Variants in PFKFB3 observed in about 807,000 individuals in gnomAD.
The protein encoded by PFKFB3 is 6-phosphofructo-2-kinase/fructose-2,6-bisphosphatase 3.
In PFKFB3, 33 loss-of-function variants were observed where a neutral mutation model predicts 68.0. That is an observed-to-expected ratio of 0.49 (90% CI 0.37 to 0.65). The LOEUF (loss-of-function observed/expected upper bound fraction) is 0.65, where lower values mean the gene tolerates loss of function less well. Among genes scored for constraint, PFKFB3 ranks in the 30% least tolerant of loss-of-function variants. The probability of loss-of-function intolerance (pLI) is 0.00; values close to 1 mark genes in which losing one functional copy is unlikely to be tolerated. For missense variants in PFKFB3, 586 were observed against 712.2 expected (o/e 0.82, Z 2.02); for synonymous variants, 315 against 288.2 (o/e 1.09, Z -0.94).
chr10:6,235,128 C>T lies in PFKFB3; in HGVS notation c.*2186C>T, dbSNP rs1004359817. The T allele has an allele frequency of 1.3e-4, 20 of 152,846 alleles. No individual in the cohort carries two copies. Among genetic ancestry groups the T allele is most frequent in the African/African-American group, 4.8e-4 (20 of 41,554 alleles). The allele number at this position is 152,846 out of a possible 1,614,324, so 9.5% of individuals were successfully genotyped here. On this transcript the variant is annotated 3_prime_UTR_variant, in exon 15 of 15. Coordinates refer to ENST00000379775, the MANE Select transcript of PFKFB3 (RefSeq NM_004566.4). Reference sequence around the variant, plus strand: ...ACGGGGACCAATATTTTTAACTTTGCCTATTTGTTTTTGGGTGAGTTTCCC... The same window carrying T: ...ACGGGGACCAATATTTTTAACTTTGTCTATTTGTTTTTGGGTGAGTTTCCC...
intron 14 of PFKFB3, among the ~76,000 whole-genome samples, chr10:6,227,735 C>G (rs1280454381): frequency 6.6e-6 from 1 of 152,186 alleles, no homozygotes; most frequent in African/African-American, 2.4e-5. Flanking sequence ...AGGTTCCTTC[C>G]CCTCCCAGGC....
At chr10:6,192,367 T>A (rs556968234) in intron 1 of PFKFB3, among the ~76,000 whole-genome samples, 2 of 34,970 alleles carry the variant, frequency 5.7e-5, no homozygotes, top group Non-Finnish European at 5.7e-5. Flanking sequence ...TTCTTTCTTC[T>A]TTTTTTTTTT....
the PFKFB3 span, among the ~76,000 whole-genome samples, chr10:6,273,933 C>T: frequency 4.6e-5 from 7 of 152,204 alleles, no homozygotes; most frequent in Admixed American, 1.3e-4. Context: ...TGGGCCGGTG[C>T]GACAGCTCAT....
At chr10:6,251,958 ACT>A (rs1846391522) in intron 14 of PFKFB3, among the ~76,000 whole-genome samples, 1 of 152,026 alleles carries the variant, frequency 6.6e-6, no homozygotes, top group Non-Finnish European at 1.5e-5. Flanking sequence ...ACAGAGTGAG[ACT>A]CTGTCTCAAA....
At chr10:6,181,969 A>G (rs1842726887) in intron 1 of PFKFB3, among the ~76,000 whole-genome samples, 1 of 152,094 alleles carries the variant, frequency 6.6e-6, no homozygotes, top group Non-Finnish European at 1.5e-5. Flanking sequence ...AGAAGATGGA[A>G]AAATTCTGGA....
chr10:6,145,135 C>A, intron 1 of PFKFB3: 1 of 746,648 alleles, frequency 1.3e-6, no homozygotes, highest in Non-Finnish European at 1.9e-6. Context: ...CGGGCTGCGG[C>A]GGTGCCGCCC....
At chr10:6,311,517 G>T in the PFKFB3 span, among the ~76,000 whole-genome samples, 1 of 152,098 alleles carries the variant, frequency 6.6e-6, no homozygotes, top group Non-Finnish European at 1.5e-5. Context: ...GGGAAGCTGG[G>T]GCAGGCGAAT....
chr10:6,224,536 G>A (rs1036339860), intron 13 of PFKFB3: 37 of 501,512 alleles, frequency 7.4e-5, no homozygotes, highest in Admixed American at 1.4e-4. Flanking sequence ...GCTGGAGTGC[G>A]GTGGCGCAGT....
At chr10:6,297,044 A>T in the PFKFB3 span, among the ~76,000 whole-genome samples, 1 of 152,232 alleles carries the variant, frequency 6.6e-6, no homozygotes, top group African/African-American at 2.4e-5. Flanking sequence ...ACCATGCTGT[A>T]GGGAAAACAG....
At chr10:6,281,678 T>A in the PFKFB3 span, among the ~76,000 whole-genome samples, 132 of 152,204 alleles carry the variant, frequency 8.7e-4, 1 homozygote, top group Admixed American at 5.6e-3. Context: ...ATGCTTTTTT[T>A]AAAAAAAGTT....
At chr10:6,294,025 C>T in the PFKFB3 span, 1 of 526,508 alleles carries the variant, frequency 1.9e-6, no homozygotes. Flanking sequence ...ATTCCAACAT[C>T]ATTACCAGTT....
rs1313628257 is a variant in PFKFB3 at position 6,233,130 on chromosome 10, G to C, written c.*188G>C. On this transcript the variant is annotated 3_prime_UTR_variant, in exon 15 of 15. Transcript: ENST00000379775. Reference sequence around the variant, plus strand: ...CCCCTCGGCCGCTGGACACCAGAAAGCCACGTGGGTCCCTGGCGCCCTGCC... The same window carrying C: ...CCCCTCGGCCGCTGGACACCAGAAACCCACGTGGGTCCCTGGCGCCCTGCC... 1.7e-6 allele frequency: 1 copy of C among 573,700 alleles called. No homozygotes were observed. The highest frequency in any genetic ancestry group is 3.1e-6 in the Non-Finnish European group (1 of 319,832). The allele number at this position is 573,700 out of a possible 1,614,324, so 35.5% of individuals were successfully genotyped here. A position where few individuals can be genotyped will look rare whatever the true frequency, so the allele number is the denominator to read the frequency against.
intron 1 of PFKFB3, among the ~76,000 whole-genome samples, chr10:6,157,901 A>C: frequency 6.6e-6 from 1 of 152,174 alleles, no homozygotes; most frequent in Non-Finnish European, 1.5e-5. Flanking sequence ...ACTTGACTGA[A>C]TAAGCAGGCA....
At chr10:6,221,608 T>C in intron 9 of PFKFB3, 33 bp from the exon 10 acceptor site, 10 of 1,609,940 alleles carry the variant, frequency 6.2e-6, no homozygotes, top group Non-Finnish European at 8.5e-6. Context: ...CCCCTGTGGT[T>C]TGTTCCCCTG....
the PFKFB3 span, among the ~76,000 whole-genome samples, chr10:6,303,542 C>T: frequency 1.3e-5 from 2 of 152,038 alleles, no homozygotes; most frequent in African/African-American, 2.4e-5. Context: ...ATGCCGGGCA[C>T]GGTGGCTCAC....
upstream of PFKFB3, among the ~76,000 whole-genome samples, chr10:6,201,721 A>G (rs753014866): frequency 2.0e-5 from 3 of 152,038 alleles, no homozygotes; most frequent in African/African-American, 4.8e-5. The surrounding 1 kb of genome is among the most constrained non-coding windows in gnomAD (Gnocchi z 4.1). Context: ...CTTCCCTCCA[A>G]TCACAGCCCA....
chr10:6,217,338 T>C lies in PFKFB3; in HGVS notation c.498+147T>C. ...CCCCAGCTGGCTGTTGATTGGGAGG[T>C]CAGACCTACAGAGCGGTTTTTAACC... On this transcript the variant is annotated intron_variant, in intron 6 of 14. Coordinates refer to ENST00000379775, the MANE Select transcript of PFKFB3 (RefSeq NM_004566.4). The C allele has an allele frequency of 9.3e-6, 7 of 753,308 alleles. No individual in the cohort carries two copies. In the South Asian group the frequency reaches 9.5e-5, roughly 10 times the overall value. 46.7% of individuals were successfully genotyped at this position (753,308 alleles called of 1,614,324 possible).
upstream of PFKFB3, among the ~76,000 whole-genome samples, chr10:6,200,460 T>A (rs1261089912): frequency 6.6e-6 from 1 of 151,992 alleles, no homozygotes; most frequent in Non-Finnish European, 1.5e-5. Context: ...ACCAGTAAAT[T>A]ACCAGAATAC....
exon 15 of PFKFB3, chr10:6,254,251 G>T (rs1307074033): frequency 2.8e-5 from 11 of 398,582 alleles, no homozygotes; most frequent in African/African-American, 1.8e-4. Flanking sequence ...AGCATTCTCT[G>T]GATACCCAGA....
Sources: gnomAD v4.1 joint callset for allele counts (sites outside exome capture counted in the v4.1 genomes callset) on GRCh38, gnomAD v4.1.1 for gene constraint, Gnocchi (gnomAD v3.1) non-coding constraint, MANE v1.5 for transcripts, NCBI Gene and HGNC (gene_info 2026-07-23, HGNC 2026-07-21) for gene names.